The following LUZP2 variants were observed in gnomAD, a reference collection of about 807,000 sequenced individuals.
LUZP2 encodes leucine zipper protein 2.
A neutral mutation model predicts 51.6 loss-of-function variants in LUZP2; 52 were observed. That is an observed-to-expected ratio of 1.01 (90% CI 0.81 to 1.27). The LOEUF (loss-of-function observed/expected upper bound fraction) is 1.27, where lower values mean the gene tolerates loss of function less well. Among genes scored for constraint, LUZP2 ranks in the 50% most tolerant of loss-of-function variants. LUZP2 has a pLI of 0.00. For missense variants in LUZP2, 436 were observed against 395.4 expected, an observed-to-expected ratio of 1.10 and a Z score of -0.87; for synonymous variants, 154 against 137.3, an observed-to-expected ratio of 1.12 and a Z score of -0.85.
chr11:24,820,148 G>T (rs1453099723), intron 5 of LUZP2, among the ~76,000 whole-genome samples: 2 of 152,132 alleles, frequency 1.3e-5, no homozygotes, highest in East Asian at 1.9e-4. Flanking sequence ...TGTGGAAATT[G>T]TTATAATAGG....
At chr11:24,660,743 GT>G (rs991377782) in intron 1 of LUZP2, among the ~76,000 whole-genome samples, 3 of 151,944 alleles carry the variant, frequency 2.0e-5, no homozygotes, top group African/African-American at 7.2e-5. Flanking sequence ...TAGTTAGTAT[GT>G]TTTTTTAACC....
intron 10 of LUZP2, among the ~76,000 whole-genome samples, chr11:25,053,914 C>T (rs1175744489): frequency 6.6e-6 from 1 of 152,040 alleles, no homozygotes; most frequent in Non-Finnish European, 1.5e-5. Context: ...CTCTATTCTC[C>T]CATCTTCACC....
chr11:25,048,722 T>C (rs1858396159), intron 9 of LUZP2, among the ~76,000 whole-genome samples: 2 of 151,964 alleles, frequency 1.3e-5, no homozygotes, highest in African/African-American at 4.8e-5. Flanking sequence ...AAAAAGAGAG[T>C]ATGGGAGGTG....
intron 7 of LUZP2, among the ~76,000 whole-genome samples, chr11:24,943,452 T>C (rs1024787649): frequency 2.6e-5 from 4 of 152,218 alleles, no homozygotes; most frequent in African/African-American, 7.2e-5. Context: ...GCCATAGCAC[T>C]CTGAGTGAAG....
At chr11:24,799,612 C>A (rs931646512) in intron 5 of LUZP2, among the ~76,000 whole-genome samples, 23 of 150,774 alleles carry the variant, frequency 1.5e-4, no homozygotes, top group Non-Finnish European at 3.3e-4. Context: ...ATGAAAAATG[C>A]AAACCAGGAC....
chr11:24,645,896 T>G (rs1322534989), intron 1 of LUZP2, among the ~76,000 whole-genome samples: 1 of 151,816 alleles, frequency 6.6e-6, no homozygotes, highest in Non-Finnish European at 1.5e-5. Flanking sequence ...TAAAATCTCA[T>G]TAGCTTGTTT....
intron 9 of LUZP2, among the ~76,000 whole-genome samples, chr11:24,984,521 ATT>A (rs1158709220): frequency 7.8e-4 from 14 of 17,934 alleles, no homozygotes; most frequent in South Asian, 8.8e-3. Flanking sequence ...TAAATTACAT[ATT>A]TTATATATAT....
intron 1 of LUZP2, among the ~76,000 whole-genome samples, chr11:24,533,018 A>G (rs1166766374): frequency 6.6e-6 from 1 of 151,254 alleles, no homozygotes; most frequent in African/African-American, 2.4e-5. Context: ...TTTATATCTA[A>G]CTTGAAAAAT....
chr11:24,923,853 A>G lies in LUZP2; in HGVS notation c.522+9315A>G, dbSNP rs114175794. 4.9e-3 allele frequency among the ~76,000 whole-genome samples: 742 copies of G among 152,276 alleles called. 1 individual carries two copies. Among genetic ancestry groups the G allele is most frequent in the Non-Finnish European group, 6.3e-3 (429 of 68,014 alleles). ...AGGGACAAAAATAGGACTAGGAGTC[A>G]TCTCTCAGCTCACTTGAGATGAATT... is the stretch of plus-strand genomic sequence containing the variant. On this transcript the variant is annotated intron_variant, in intron 7 of 11. Coordinates refer to ENST00000336930, the MANE Select transcript of LUZP2 (RefSeq NM_001009909.4).
At chr11:24,649,617 A>C (rs1038033310) in intron 1 of LUZP2, among the ~76,000 whole-genome samples, 8 of 151,894 alleles carry the variant, frequency 5.3e-5, no homozygotes, top group African/African-American at 1.7e-4. Context: ...TTTTTGCTTT[A>C]GGTAATTTCC....
At chr11:24,699,086 A>AACACACACACACACAC (rs67317108) in intron 1 of LUZP2, among the ~76,000 whole-genome samples, 1 of 138,370 alleles carries the variant, frequency 7.2e-6, no homozygotes, top group East Asian at 2.2e-4. Flanking sequence ...AAACCACAGA[A>AACACACACACACACAC]ACACACACAC....
intron 5 of LUZP2, among the ~76,000 whole-genome samples, chr11:24,844,834 C>T (rs1387679559): frequency 3.3e-5 from 5 of 152,278 alleles, no homozygotes; most frequent in African/African-American, 1.2e-4. Flanking sequence ...TGGTGTTGAA[C>T]CTGCAAGTGC....
chr11:24,928,827 A>T (rs1854357044), intron 7 of LUZP2, among the ~76,000 whole-genome samples: 1 of 152,010 alleles, frequency 6.6e-6, no homozygotes, highest in African/African-American at 2.4e-5. Flanking sequence ...TGAATGTCTT[A>T]TAGAATTCAG....
At chr11:25,070,770 GGTGT>G (rs67504954) in intron 10 of LUZP2, among the ~76,000 whole-genome samples, 7,002 of 141,312 alleles carry the variant, frequency 0.05, 361 homozygotes, top group African/African-American at 0.13. Context: ...GACTGTGTAT[GGTGT>G]GTGTGTGTGT....
intron 1 of LUZP2, among the ~76,000 whole-genome samples, chr11:24,672,860 C>A (rs1436569883): frequency 6.6e-6 from 1 of 152,160 alleles, no homozygotes; most frequent in Non-Finnish European, 1.5e-5. Context: ...CAATCCGTGG[C>A]CTGTTAGGAA....
At chr11:24,777,240 G>A (rs1017641799) in intron 5 of LUZP2, among the ~76,000 whole-genome samples, 3 of 151,972 alleles carry the variant, frequency 2.0e-5, no homozygotes, top group Admixed American at 6.6e-5. Flanking sequence ...TGATCTGCCC[G>A]CCTCGGCCTC....
intron 5 of LUZP2, among the ~76,000 whole-genome samples, chr11:24,889,174 A>T (rs533484312): frequency 6.6e-6 from 1 of 152,258 alleles, no homozygotes; most frequent in South Asian, 2.1e-4. Context: ...CTAAAATATA[A>T]ATTTGGTTAC....
intron 9 of LUZP2, among the ~76,000 whole-genome samples, chr11:24,999,061 C>A (rs1856596209): frequency 6.6e-6 from 1 of 152,078 alleles, no homozygotes; most frequent in African/African-American, 2.4e-5. Context: ...TCTAATGCAA[C>A]ACATGGTCAT....
At chr11:24,891,463 G>C (rs186988828) in intron 5 of LUZP2, 2 of 946,386 alleles carry the variant, frequency 2.1e-6, no homozygotes, top group Non-Finnish European at 2.5e-6. Flanking sequence ...AATAAGGGAA[G>C]ATTTAAATAC....
Sources: gnomAD v4.1 joint callset for allele counts (sites outside exome capture counted in the v4.1 genomes callset) on GRCh38, gnomAD v4.1.1 for gene constraint, MANE v1.5 for transcripts, NCBI Gene and HGNC (gene_info 2026-07-23, HGNC 2026-07-21) for gene names.